The following ITGBL1 variants were observed in gnomAD, a reference collection of about 807,000 sequenced individuals.
The protein encoded by ITGBL1 is integrin subunit beta like 1.
In ITGBL1, 51 loss-of-function variants were observed where a neutral mutation model predicts 68.5. That is an observed-to-expected ratio of 0.74 (90% CI 0.59 to 0.94). ITGBL1 has a LOEUF of 0.94. ITGBL1 is among the 40% of genes least tolerant of loss of function. The pLI, the probability that ITGBL1 is intolerant of heterozygous loss-of-function variation, is 0.00. For synonymous variants in ITGBL1, 209 were observed against 227.3 expected (o/e 0.92, Z 0.72); for missense variants, 649 against 647.4 (o/e 1.00, Z -0.03).
chr13:101,485,491 C>G (rs539183416), intron 2 of ITGBL1, among the ~76,000 whole-genome samples: 1 of 152,150 alleles, frequency 6.6e-6, no homozygotes, highest in Non-Finnish European at 1.5e-5. Flanking sequence ...CAGTGAGATA[C>G]TACCTTACTC....
intron 10 of ITGBL1, chr13:101,715,195 C>T (rs9582519): frequency 0.07 from 13,317 of 189,648 alleles, 755 homozygotes; most frequent in African/African-American, 0.16. Context: ...ACTCTCTTCA[C>T]GGATTACTTG....
chr13:101,694,166 A>T (rs1242392263), intron 8 of ITGBL1, among the ~76,000 whole-genome samples: 1 of 152,152 alleles, frequency 6.6e-6, no homozygotes, highest in Non-Finnish European at 1.5e-5. Flanking sequence ...AGTGACACCA[A>T]CGTGTTTTAA....
chr13:101,656,022 G>C (rs2032910621), intron 7 of ITGBL1, among the ~76,000 whole-genome samples: 1 of 152,092 alleles, frequency 6.6e-6, no homozygotes, highest in Admixed American at 6.6e-5. Flanking sequence ...ACATTGATTT[G>C]GTTCAGAAAG....
chr13:101,462,077 C>T (rs1230786868), intron 2 of ITGBL1, among the ~76,000 whole-genome samples: 2 of 152,036 alleles, frequency 1.3e-5, no homozygotes, highest in South Asian at 2.1e-4. Flanking sequence ...AGTTGGGGTC[C>T]CTCTTGTCTT....
intron 7 of ITGBL1, among the ~76,000 whole-genome samples, chr13:101,677,431 A>C (rs1161352596): frequency 2.6e-5 from 4 of 152,160 alleles, no homozygotes; most frequent in Non-Finnish European, 5.9e-5. Flanking sequence ...ACTTGTGTAA[A>C]TAGATTTCTA....
At chr13:101,664,399 T>C (rs1412895290) in intron 7 of ITGBL1, among the ~76,000 whole-genome samples, 1 of 152,184 alleles carries the variant, frequency 6.6e-6, no homozygotes, top group Non-Finnish European at 1.5e-5. Flanking sequence ...TATTTACAGG[T>C]ATCCTGAGAG....
At chr13:101,549,892 T>C (rs1402085499) in intron 2 of ITGBL1, among the ~76,000 whole-genome samples, 2 of 152,146 alleles carry the variant, frequency 1.3e-5, no homozygotes, top group African/African-American at 4.8e-5. Context: ...TACATAGCTT[T>C]CATCCGTAAA....
chr13:101,610,343 G>A (rs2031065050), intron 7 of ITGBL1, among the ~76,000 whole-genome samples: 1 of 152,052 alleles, frequency 6.6e-6, no homozygotes, highest in South Asian at 2.1e-4. Flanking sequence ...ATCCCTTTGT[G>A]TAGCCTGTAG....
intron 2 of ITGBL1, among the ~76,000 whole-genome samples, chr13:101,478,163 A>G (rs2048564122): frequency 6.6e-6 from 1 of 152,188 alleles, no homozygotes; most frequent in Admixed American, 6.5e-5. Context: ...TATCCCTGGG[A>G]TGCAAGGATG....
chr13:101,457,938 A>G (rs1048316927), intron 2 of ITGBL1, among the ~76,000 whole-genome samples: 3 of 152,236 alleles, frequency 2.0e-5, no homozygotes, highest in Admixed American at 1.3e-4. Flanking sequence ...CACTTAAATA[A>G]TGTATTGTTT....
chr13:101,454,171 GAA>G, intron 2 of ITGBL1, 71 bp downstream of exon 2: 2 of 1,171,942 alleles, frequency 1.7e-6, no homozygotes, highest in Non-Finnish European at 2.3e-6. Flanking sequence ...CCACTCCCTA[GAA>G]GAGTGAAGGG....
chr13:101,691,582 C>T (rs928914801), intron 7 of ITGBL1, among the ~76,000 whole-genome samples: 7 of 152,164 alleles, frequency 4.6e-5, no homozygotes, highest in East Asian at 3.9e-4. Flanking sequence ...ACAGATGTCT[C>T]GGAGCACTGT....
At chr13:101,652,547 A>T (rs1428693314) in intron 7 of ITGBL1, among the ~76,000 whole-genome samples, 1 of 152,180 alleles carries the variant, frequency 6.6e-6, no homozygotes, top group African/African-American at 2.4e-5. Context: ...CATACCTGTG[A>T]TTTCAGGACA....
chr13:101,501,526 C>G (rs755426944), intron 2 of ITGBL1, among the ~76,000 whole-genome samples: 15 of 152,066 alleles, frequency 9.9e-5, no homozygotes, highest in Non-Finnish European at 2.1e-4. Context: ...ACTTTAAATA[C>G]AATGATTACA....
At chr13:101,525,163 G>A (rs545296049) in intron 2 of ITGBL1, among the ~76,000 whole-genome samples, 3 of 152,100 alleles carry the variant, frequency 2.0e-5, no homozygotes, top group African/African-American at 4.8e-5. Flanking sequence ...ACTGATATAT[G>A]TTCATATATA....
At chr13:101,621,327 C>T (rs1231683032) in intron 7 of ITGBL1, among the ~76,000 whole-genome samples, 3 of 152,090 alleles carry the variant, frequency 2.0e-5, no homozygotes, top group Non-Finnish European at 4.4e-5. Context: ...AAGTGTATAG[C>T]CTGGGGCCTC....
In ITGBL1 at chr13:101,715,719, G is replaced by A; in HGVS notation, c.*65G>A. 1 of 1,028,864 alleles carries A rather than the reference G, an allele frequency of 9.7e-7. No individual in the cohort carries two copies. The highest frequency in any genetic ancestry group is 1.5e-6 in the Non-Finnish European group (1 of 646,936). The allele number at this position is 1,028,864 out of a possible 1,614,324, so 63.7% of individuals were successfully genotyped here. A position where few individuals can be genotyped will look rare whatever the true frequency, so the allele number is the denominator to read the frequency against. On this transcript the variant is annotated 3_prime_UTR_variant, in exon 11 of 11. Transcript: ENST00000376180. ...GCCATTAGAACAGATAAATGCGAAGGAAACCATGTATATTCACCACTAGGA... is the reference window on the plus strand; with the variant it reads ...GCCATTAGAACAGATAAATGCGAAGAAAACCATGTATATTCACCACTAGGA...
chr13:101,676,428 A>G (rs1343398459), intron 7 of ITGBL1, among the ~76,000 whole-genome samples: 1 of 152,090 alleles, frequency 6.6e-6, no homozygotes, highest in Non-Finnish European at 1.5e-5. Context: ...GTTTATCAAT[A>G]CCTCCTTCTT....
downstream of ITGBL1, chr13:101,718,054 T>C (rs2034791940): frequency 6.6e-6 from 1 of 152,160 alleles, no homozygotes; most frequent in Non-Finnish European, 1.5e-5. Flanking sequence ...TCATCTAAAA[T>C]TTTGGACAAA....
Sources: allele counts gnomAD v4.1 joint callset (sites outside exome capture counted in the v4.1 genomes callset), GRCh38; gene constraint gnomAD v4.1.1; transcripts MANE v1.5; gene names NCBI Gene and HGNC (gene_info 2026-07-23, HGNC 2026-07-21).